SPOCK3: variants seen among roughly 807,000 people sequenced by gnomAD.
The protein encoded by SPOCK3 is testican-3.
SPOCK3 carries 30 observed loss-of-function variants against 56.6 expected under a neutral mutation model. The observed-to-expected ratio is 0.53, with a 90% CI of 0.40 to 0.72. The LOEUF (loss-of-function observed/expected upper bound fraction) is 0.72, where lower values mean the gene tolerates loss of function less well. Ranked by LOEUF, SPOCK3 falls within the 30% of genes least tolerant of loss-of-function variation. The pLI is 0.00. For missense variants in SPOCK3, 527 were observed against 530.0 expected (o/e 0.99, Z 0.06); for synonymous variants, 196 against 183.3 (o/e 1.07, Z -0.56).
intron 2 of SPOCK3, among the ~76,000 whole-genome samples, chr4:167,175,093 C>T (rs943354245): frequency 2.6e-5 from 4 of 151,976 alleles, no homozygotes; most frequent in African/African-American, 9.7e-5. Flanking sequence ...ATGTAGTAAC[C>T]GCATACTTAT....
chr4:166,788,177 A>G (rs1452194049), intron 7 of SPOCK3, among the ~76,000 whole-genome samples: 1 of 148,116 alleles, frequency 6.8e-6, no homozygotes, highest in Non-Finnish European at 1.5e-5. Flanking sequence ...GTGAGACTCC[A>G]TTTAAAAAAC....
intron 8 of SPOCK3, among the ~76,000 whole-genome samples, chr4:166,747,636 G>T (rs1579105130): frequency 1.3e-5 from 2 of 152,242 alleles, no homozygotes; most frequent in Admixed American, 1.3e-4. Context: ...GCTGGCCAGG[G>T]CAATCAGGCA....
chr4:166,928,946 C>T (rs913579259), intron 4 of SPOCK3, among the ~76,000 whole-genome samples: 3 of 151,792 alleles, frequency 2.0e-5, no homozygotes, highest in South Asian at 2.1e-4. Flanking sequence ...CCAGCCTGGG[C>T]GATAGAGTGA....
intron 6 of SPOCK3, among the ~76,000 whole-genome samples, chr4:166,810,636 C>A (rs1258308717): frequency 1.3e-5 from 2 of 151,828 alleles, no homozygotes; most frequent in Non-Finnish European, 1.5e-5. Context: ...TCCTTCAAAT[C>A]CTGGAATTCA....
At chr4:167,174,610 G>A (rs1462700781) in intron 2 of SPOCK3, among the ~76,000 whole-genome samples, 1 of 152,098 alleles carries the variant, frequency 6.6e-6, no homozygotes, top group Non-Finnish European at 1.5e-5. Flanking sequence ...ATCAAGAGAT[G>A]AGCCTAGAGC....
intron 10 of SPOCK3, among the ~76,000 whole-genome samples, chr4:166,737,139 A>AT (rs1410910481): frequency 2.0e-5 from 3 of 152,126 alleles, no homozygotes; most frequent in African/African-American, 7.2e-5. Context: ...AATAGAGTTT[A>AT]TTGACTTGCA....
chr4:166,910,781 T>G (rs1242816096), intron 5 of SPOCK3, among the ~76,000 whole-genome samples: 1 of 152,136 alleles, frequency 6.6e-6, no homozygotes, highest in Non-Finnish European at 1.5e-5. Context: ...TGGCACATAT[T>G]TCCAATGTTG....
At chr4:167,022,415 G>C (rs1291356953) in intron 3 of SPOCK3, among the ~76,000 whole-genome samples, 1 of 152,036 alleles carries the variant, frequency 6.6e-6, no homozygotes, top group Non-Finnish European at 1.5e-5. Context: ...GATTTCTAAT[G>C]TGTAGGAACA....
intron 10 of SPOCK3, among the ~76,000 whole-genome samples, chr4:166,735,798 G>T (rs540814022): frequency 2.6e-5 from 4 of 152,160 alleles, no homozygotes; most frequent in African/African-American, 9.6e-5. Context: ...CTGACATCTG[G>T]ATGTTGAGCT....
intron 6 of SPOCK3, among the ~76,000 whole-genome samples, chr4:166,844,947 T>G (rs1747901719): frequency 6.6e-6 from 1 of 152,204 alleles, no homozygotes; most frequent in South Asian, 2.1e-4. Context: ...CTGTCCGTGG[T>G]TTTTTCTTTG....
chr4:167,017,041 C>T (rs1014253756), intron 3 of SPOCK3, among the ~76,000 whole-genome samples: 13 of 152,066 alleles, frequency 8.5e-5, no homozygotes, highest in African/African-American at 3.1e-4. Context: ...ATATAAGAGC[C>T]TTCCCATATT....
intron 4 of SPOCK3, among the ~76,000 whole-genome samples, chr4:166,972,029 A>C (rs1745445076): frequency 6.6e-6 from 1 of 152,154 alleles, no homozygotes; most frequent in Non-Finnish European, 1.5e-5. Flanking sequence ...TAATTGTGCT[A>C]ATCCAAGTTA....
intron 2 of SPOCK3, among the ~76,000 whole-genome samples, chr4:167,148,636 G>A (rs6553573): frequency 0.79 from 120,724 of 152,004 alleles, 48,021 homozygotes; most frequent in African/African-American, 0.82. Context: ...AAATATAACC[G>A]TGTATAGTCT....
At chr4:166,747,509 C>T (rs1396339208) in intron 8 of SPOCK3, among the ~76,000 whole-genome samples, 1 of 152,122 alleles carries the variant, frequency 6.6e-6, no homozygotes, top group Non-Finnish European at 1.5e-5. Flanking sequence ...CTATTTATGA[C>T]AAACCCACAG....
intron 4 of SPOCK3, among the ~76,000 whole-genome samples, chr4:166,954,868 A>T (rs1281635673): frequency 1.3e-5 from 2 of 152,166 alleles, no homozygotes; most frequent in African/African-American, 4.8e-5. Flanking sequence ...ATCTCTGTAG[A>T]TATGCCCTTC....
chr4:167,056,054 C>T (rs569058462), intron 3 of SPOCK3, among the ~76,000 whole-genome samples: 24 of 152,294 alleles, frequency 1.6e-4, no homozygotes, highest in African/African-American at 5.3e-4. Flanking sequence ...AGGCACCCCC[C>T]AGTAGGGGCA....
At chr4:166,873,380 C>T (rs1304348480) in intron 6 of SPOCK3, among the ~76,000 whole-genome samples, 1 of 151,938 alleles carries the variant, frequency 6.6e-6, no homozygotes, top group Non-Finnish European at 1.5e-5. Flanking sequence ...AAGAGTGAAC[C>T]TGAATGTAAA....
chr4:166,784,306 C>A (rs1268312539), intron 7 of SPOCK3, among the ~76,000 whole-genome samples: 2 of 152,032 alleles, frequency 1.3e-5, no homozygotes, highest in Non-Finnish European at 2.9e-5. Context: ...TCACTTAGTA[C>A]TTTTATTTTA....
In SPOCK3 at chr4:167,109,641, A is replaced by G. The variant is rs142147495; in HGVS notation, c.190-47104T>C. On this transcript the variant is annotated intron_variant, in intron 2 of 10. Coordinates refer to ENST00000357545, the MANE Select transcript of SPOCK3 (RefSeq NM_001040159.2). The stretch of plus-strand genomic sequence containing the variant: ...AAAAATAAAGTTTAACTCTTCTAAT[A>G]CCTCTTGGTCTTACTTGTTTTACAA... 9.0e-3 allele frequency among the ~76,000 whole-genome samples: 1,304 copies of G among 145,606 alleles called. 10 individuals carry two copies. Among genetic ancestry groups the G allele is most frequent in the Non-Finnish European group, 0.014 (933 of 66,870 alleles).
Sources: gnomAD v4.1 joint callset for allele counts (sites outside exome capture counted in the v4.1 genomes callset) on GRCh38, gnomAD v4.1.1 for gene constraint, MANE v1.5 for transcripts, NCBI Gene and HGNC (gene_info 2026-07-23, HGNC 2026-07-21) for gene names.